The following BMPER variants were observed in gnomAD, a reference collection of about 807,000 sequenced individuals.
The protein encoded by BMPER is BMP-binding endothelial regulator protein.
Under a neutral mutation model 87.3 loss-of-function variants are expected in BMPER, and 45 were observed. The observed-to-expected ratio is 0.52, with a 90% CI of 0.41 to 0.66. The LOEUF is 0.66. BMPER is among the 30% of genes least tolerant of loss of function. BMPER has a pLI of 0.00. For missense variants in BMPER, 784 were observed against 867.5 expected (o/e 0.90, Z 1.21); for synonymous variants, 326 against 316.2 (o/e 1.03, Z -0.33).
Position 33,991,951 on chromosome 7 carries a change from T to G in BMPER, c.576+17167T>G, listed in dbSNP as rs569230491. Among the ~76,000 whole-genome samples the G allele has an allele frequency of 3.3e-3, 466 of 143,038 alleles. 5 individuals are homozygous for G. The highest frequency in any genetic ancestry group is 0.011 in the African/African-American group (438 of 38,272). The allele number at this position is 143,038 out of a possible 152,430, so 93.8% of individuals were successfully genotyped here. ...TTTGAGTGAGATTCTTAATCCTGAG[T>G]TCTAGTTTGATTGCACTGTGGTCTG... On this transcript the variant is annotated intron_variant, in intron 6 of 14. Coordinates refer to ENST00000649409, the MANE Select transcript of BMPER (RefSeq NM_001365308.1).
At chr7:33,937,892 A>G (rs1307149311) in intron 3 of BMPER, among the ~76,000 whole-genome samples, 2 of 151,920 alleles carry the variant, frequency 1.3e-5, no homozygotes, top group South Asian at 4.2e-4. Context: ...CATCTCTAAC[A>G]TCTCCTTACT....
intron 6 of BMPER, among the ~76,000 whole-genome samples, chr7:34,032,237 C>T (rs931693665): frequency 6.6e-6 from 1 of 151,878 alleles, no homozygotes; most frequent in Non-Finnish European, 1.5e-5. Flanking sequence ...GAGCTCTTAA[C>T]CCCATGAGTT....
intron 5 of BMPER, among the ~76,000 whole-genome samples, chr7:33,971,603 C>T (rs147074600): frequency 9.7e-4 from 147 of 152,228 alleles, no homozygotes; most frequent in African/African-American, 3.3e-3. Context: ...ATTGCCTAAC[C>T]GTATCCTTAG....
chr7:33,937,202 G>A, intron 2 of BMPER, 87 bp from the exon 3 acceptor site: 1 of 1,390,142 alleles, frequency 7.2e-7, no homozygotes, highest in Non-Finnish European at 1.0e-6. Flanking sequence ...GATAAGAGTG[G>A]GGCTCGGGAA....
At chr7:34,068,914 T>A (rs1788664461) in intron 11 of BMPER, among the ~76,000 whole-genome samples, 1 of 152,236 alleles carries the variant, frequency 6.6e-6, no homozygotes, top group Non-Finnish European at 1.5e-5. Flanking sequence ...ACTTGCATAT[T>A]TTTAAAAATC....
At chr7:34,141,234 C>CAGTACTG (rs11280527) in intron 13 of BMPER, among the ~76,000 whole-genome samples, 114,873 of 151,394 alleles carry the variant, frequency 0.76, 44,003 homozygotes, top group East Asian at 0.91. Context: ...AGTGTAAAGA[C>CAGTACTG]TGTGTTTAAT....
chr7:34,077,643 A>C lies in BMPER; in HGVS notation c.1079-1214A>C, dbSNP rs1183203981. 3.9e-5 allele frequency among the ~76,000 whole-genome samples: 6 copies of C among 152,252 alleles called. 1 individual carries two copies. Among genetic ancestry groups the C allele is most frequent in the Admixed American group, 3.9e-4 (6 of 15,286 alleles). ...TATGTGCTTTGTATGGAGTCATATGAAATTGACATATAAAATGACATAATA... is the reference window on the plus strand; with the variant it reads ...TATGTGCTTTGTATGGAGTCATATGCAATTGACATATAAAATGACATAATA... On this transcript the variant is annotated intron_variant, in intron 11 of 14. Transcript: ENST00000649409.
intron 13 of BMPER, among the ~76,000 whole-genome samples, chr7:34,104,270 C>G (rs1789759989): frequency 6.6e-6 from 1 of 152,146 alleles, no homozygotes; most frequent in Non-Finnish European, 1.5e-5. Context: ...CTTAGATATA[C>G]TACCGTGATT....
intron 6 of BMPER, among the ~76,000 whole-genome samples, chr7:34,021,112 T>C (rs1161307122): frequency 6.6e-6 from 1 of 152,018 alleles, no homozygotes; most frequent in Non-Finnish European, 1.5e-5. Context: ...GCAAAGTTAA[T>C]GCAAATACGA....
In BMPER at chr7:34,127,110, G is replaced by C. The variant is rs534956653; in HGVS notation, c.1746-16120G>C. On this transcript the variant is annotated intron_variant, in intron 13 of 14. Transcript: ENST00000649409. The stretch of plus-strand genomic sequence containing the variant: ...AACCAGCATGAACTCATTGGTTGCT[G>C]TCAGCCCTTGTTTTTATGGCTTGTG... Among the ~76,000 whole-genome samples, 10 of 152,342 alleles carry C rather than the reference G, an allele frequency of 6.6e-5. No individual in the cohort carries two copies. The South Asian group carries it at 1.4e-3, about 22-fold the overall frequency.
At chr7:34,031,627 A>T (rs188000198) in intron 6 of BMPER, among the ~76,000 whole-genome samples, 158 of 151,850 alleles carry the variant, frequency 1.0e-3, no homozygotes, top group African/African-American at 3.6e-3. Context: ...AGTGAAATAT[A>T]CTTTGACTGG....
chr7:34,001,475 A>G (rs1415884139), intron 6 of BMPER, among the ~76,000 whole-genome samples: 1 of 151,096 alleles, frequency 6.6e-6, no homozygotes, highest in African/African-American at 2.4e-5. Flanking sequence ...ACAGTTGTTC[A>G]TAATAGTCCC....
At chr7:34,122,803 T>C (rs947729456) in intron 13 of BMPER, among the ~76,000 whole-genome samples, 2 of 152,212 alleles carry the variant, frequency 1.3e-5, no homozygotes, top group Non-Finnish European at 2.9e-5. Context: ...TTATGATAGG[T>C]ACATAATGAT....
intron 6 of BMPER, among the ~76,000 whole-genome samples, chr7:33,997,478 G>A (rs568404286): frequency 1.3e-5 from 2 of 152,084 alleles, no homozygotes; most frequent in Non-Finnish European, 2.9e-5. Context: ...AGTGTCTGGC[G>A]CTTCCCTCTT....
chr7:33,926,015 C>T (rs576861396), intron 2 of BMPER, among the ~76,000 whole-genome samples: 3 of 152,274 alleles, frequency 2.0e-5, no homozygotes, highest in African/African-American at 7.2e-5. Flanking sequence ...GAGCTGGTAA[C>T]CAGCACTTCT....
In BMPER at chr7:33,961,456, G is replaced by A. The variant is rs112171768; in HGVS notation, c.320-5023G>A. On this transcript the variant is annotated intron_variant, in intron 3 of 14. Transcript: ENST00000649409. ...CCAGAAAGAGCACACAGTGACAGCTGTGTAGGAAGATGGCTTAAGAAAGGT... is the reference window on the plus strand; with the variant it reads ...CCAGAAAGAGCACACAGTGACAGCTATGTAGGAAGATGGCTTAAGAAAGGT... 8.1e-4 allele frequency among the ~76,000 whole-genome samples: 124 copies of A among 152,338 alleles called. 1 individual carries two copies. The highest frequency in any genetic ancestry group is 2.7e-3 in the African/African-American group (113 of 41,576).
intron 13 of BMPER, among the ~76,000 whole-genome samples, chr7:34,126,423 G>C (rs1434493880): frequency 6.6e-6 from 1 of 152,202 alleles, no homozygotes; most frequent in Non-Finnish European, 1.5e-5. Flanking sequence ...TTGATTAAAG[G>C]AGTTTTATGA....
intron 3 of BMPER, among the ~76,000 whole-genome samples, chr7:33,963,657 G>C (rs1047624740): frequency 2.6e-5 from 4 of 152,108 alleles, no homozygotes; most frequent in South Asian, 2.1e-4. Flanking sequence ...AGCCGGGCGT[G>C]GTGGCAGGTG....
chr7:34,029,956 A>G (rs1398855162), intron 6 of BMPER, among the ~76,000 whole-genome samples: 3 of 152,236 alleles, frequency 2.0e-5, no homozygotes, highest in South Asian at 4.1e-4. Flanking sequence ...CCTGGTTTAT[A>G]GAATTGGAAA....
Sources: gnomAD v4.1 joint callset for allele counts (sites outside exome capture counted in the v4.1 genomes callset) on GRCh38, gnomAD v4.1.1 for gene constraint, MANE v1.5 for transcripts, NCBI Gene and HGNC (gene_info 2026-07-23, HGNC 2026-07-21) for gene names.